Variants in MACROD2 observed in about 807,000 individuals in gnomAD.
MACROD2 encodes mono-ADP ribosylhydrolase 2.
A neutral mutation model predicts 70.4 loss-of-function variants in MACROD2; 36 were observed. The observed-to-expected ratio is 0.51, with a 90% CI of 0.39 to 0.68. The LOEUF is 0.68. Among genes scored for constraint, MACROD2 ranks in the 30% least tolerant of loss-of-function variants. MACROD2 has a pLI of 0.00. For missense variants in MACROD2, 496 were observed against 538.4 expected (o/e 0.92, Z 0.78); for synonymous variants, 172 against 178.8 (o/e 0.96, Z 0.30).
Position 15,676,486 on chromosome 20 carries a change from A to G in MACROD2, c.645+176639A>G, listed in dbSNP as rs180994247. On this transcript the variant is annotated intron_variant, in intron 8 of 17. Transcript: ENST00000684519. Reference sequence around the variant, plus strand: ...AACCACATCTATTTGCAGATTGGTCATATATTTTGCAAATGCCTGTGGGAC... The same window carrying G: ...AACCACATCTATTTGCAGATTGGTCGTATATTTTGCAAATGCCTGTGGGAC... 9.0e-4 allele frequency among the ~76,000 whole-genome samples: 137 copies of G among 152,326 alleles called. 1 individual carries two copies. Among genetic ancestry groups the G allele is most frequent in the Admixed American group, 5.8e-3 (89 of 15,290 alleles).
At chr20:14,172,751 T>G (rs1161511274) in intron 3 of MACROD2, among the ~76,000 whole-genome samples, 1 of 152,172 alleles carries the variant, frequency 6.6e-6, no homozygotes, top group Non-Finnish European at 1.5e-5. Flanking sequence ...ATAGGTCCTT[T>G]GAGATTTATG....
intron 5 of MACROD2, among the ~76,000 whole-genome samples, chr20:14,808,736 C>G (rs150110915): frequency 0.014 from 2,012 of 146,654 alleles, 46 homozygotes; most frequent in African/African-American, 0.048. Flanking sequence ...AGGGATGGAG[C>G]AAGATTTACC....
intron 3 of MACROD2, among the ~76,000 whole-genome samples, chr20:14,248,617 G>A (rs1346564768): frequency 6.6e-6 from 1 of 151,986 alleles, no homozygotes; most frequent in Non-Finnish European, 1.5e-5. Context: ...AAAATATTGT[G>A]TAAAATTACC....
At chr20:15,386,563 T>C (rs2045715718) in intron 6 of MACROD2, among the ~76,000 whole-genome samples, 1 of 152,184 alleles carries the variant, frequency 6.6e-6, no homozygotes, top group Non-Finnish European at 1.5e-5. Context: ...CAGTGAGCGA[T>C]GCTGAATTGC....
At chr20:16,024,029 T>C (rs1488114287) in intron 15 of MACROD2, among the ~76,000 whole-genome samples, 1 of 152,134 alleles carries the variant, frequency 6.6e-6, no homozygotes, top group African/African-American at 2.4e-5. Flanking sequence ...AGAGGTGGGC[T>C]GGGGTGATGG....
In MACROD2 at chr20:14,743,450, A is replaced by G. The variant is rs1044644169; in HGVS notation, c.418+58491A>G. 2.1e-4 allele frequency among the ~76,000 whole-genome samples: 32 copies of G among 152,320 alleles called. 1 individual carries two copies. The highest frequency in any genetic ancestry group is 7.7e-4 in the African/African-American group (32 of 41,564). Reference sequence around the variant, plus strand: ...AGATGTGCCTGAAAAAAAGACACAGAGATACAACAGTGCTGGCTTTGAAGA... The same window carrying G: ...AGATGTGCCTGAAAAAAAGACACAGGGATACAACAGTGCTGGCTTTGAAGA... On this transcript the variant is annotated intron_variant, in intron 5 of 17. Transcript: ENST00000684519.
intron 3 of MACROD2, chr20:14,128,447 G>T (rs778338801): frequency 6.5e-6 from 1 of 152,892 alleles, no homozygotes; most frequent in Non-Finnish European, 1.5e-5. Flanking sequence ...GAGGCTACCA[G>T]AAGTTTATGA....
chr20:14,072,873 G>T (rs2053866088), intron 2 of MACROD2, among the ~76,000 whole-genome samples: 1 of 151,378 alleles, frequency 6.6e-6, no homozygotes, highest in African/African-American at 2.4e-5. Flanking sequence ...GGCAGAGCTT[G>T]CAGTGAGCTG....
chr20:15,714,899 C>G (rs1286761978), intron 8 of MACROD2, among the ~76,000 whole-genome samples: 3 of 151,956 alleles, frequency 2.0e-5, no homozygotes, highest in East Asian at 3.9e-4. Context: ...GTATGTGTAT[C>G]TTGTTTAAAG....
intron 8 of MACROD2, among the ~76,000 whole-genome samples, chr20:15,670,590 A>G (rs921681094): frequency 6.6e-6 from 1 of 152,182 alleles, no homozygotes; most frequent in South Asian, 2.1e-4. Context: ...TACATCTGAG[A>G]CATTTTTTAT....
At chr20:15,678,723 C>G (rs1347600744) in intron 8 of MACROD2, among the ~76,000 whole-genome samples, 1 of 152,130 alleles carries the variant, frequency 6.6e-6, no homozygotes, top group Non-Finnish European at 1.5e-5. Flanking sequence ...TCAGGGCATC[C>G]TTTATGAGCC....
chr20:15,320,198 A>G (rs930275091), intron 6 of MACROD2, among the ~76,000 whole-genome samples: 3 of 152,144 alleles, frequency 2.0e-5, no homozygotes, highest in Non-Finnish European at 4.4e-5. Flanking sequence ...GCAAGACTCC[A>G]TCTCAAAAAA....
intron 4 of MACROD2, among the ~76,000 whole-genome samples, chr20:14,603,483 A>G (rs932485583): frequency 1.3e-5 from 2 of 152,196 alleles, no homozygotes; most frequent in Non-Finnish European, 2.9e-5. Flanking sequence ...AGAGATTGAA[A>G]GTTCACAATT....
At chr20:15,685,171 A>G (rs950615208) in intron 8 of MACROD2, among the ~76,000 whole-genome samples, 1 of 152,142 alleles carries the variant, frequency 6.6e-6, no homozygotes, top group Non-Finnish European at 1.5e-5. Flanking sequence ...TGAAATACCC[A>G]TATTTATGAA....
intron 3 of MACROD2, among the ~76,000 whole-genome samples, chr20:14,100,814 TATATC>T (rs1168794720): frequency 4.4e-5 from 6 of 134,944 alleles, no homozygotes; most frequent in Admixed American, 1.6e-4. Context: ...TATATAATCA[TATATC>T]ATATATAACA....
chr20:15,414,595 G>A (rs1223393993), intron 6 of MACROD2, among the ~76,000 whole-genome samples: 1 of 152,172 alleles, frequency 6.6e-6, no homozygotes, highest in East Asian at 1.9e-4. Context: ...AAAAAGGGCA[G>A]TATTGTTACA....
chr20:16,044,379 T>A (rs770405433), intron 16 of MACROD2, among the ~76,000 whole-genome samples, 192 bp from the exon 17 acceptor site: 2 of 151,994 alleles, frequency 1.3e-5, no homozygotes, highest in Non-Finnish European at 2.9e-5. Context: ...GAAGGGGGCG[T>A]CTGAGGTATA....
intron 8 of MACROD2, among the ~76,000 whole-genome samples, chr20:15,600,577 T>C (rs2048805397): frequency 6.6e-6 from 1 of 152,168 alleles, no homozygotes; most frequent in African/African-American, 2.4e-5. Flanking sequence ...TCTAACCAAA[T>C]GACAAAATAG....
At chr20:14,310,620 TTTTA>T (rs1380392060) in intron 3 of MACROD2, among the ~76,000 whole-genome samples, 5 of 152,176 alleles carry the variant, frequency 3.3e-5, no homozygotes, top group Non-Finnish European at 7.3e-5. Context: ...CTATACTTTT[TTTTA>T]TTTATTTATT....
Sources: gnomAD v4.1 joint callset for allele counts (sites outside exome capture counted in the v4.1 genomes callset) on GRCh38, gnomAD v4.1.1 for gene constraint, MANE v1.5 for transcripts, NCBI Gene and HGNC (gene_info 2026-07-23, HGNC 2026-07-21) for gene names.